The following ENPP2 variants were observed in gnomAD, a reference collection of about 807,000 sequenced individuals.
ENPP2 encodes the protein autotaxin.
In ENPP2, 51 loss-of-function variants were observed where a neutral mutation model predicts 120.2. The ratio of observed to expected loss-of-function variants is 0.42; its 90% CI spans 0.34 to 0.54. The LOEUF is 0.54. ENPP2 is among the 20% of genes least tolerant of loss of function. The probability of loss-of-function intolerance (pLI) is 0.04; values close to 1 mark genes in which losing one functional copy is unlikely to be tolerated. For missense variants in ENPP2, 920 were observed against 1,066.5 expected (o/e 0.86, Z 1.91); for synonymous variants, 365 against 366.4 (o/e 1.00, Z 0.04).
At chr8:119,559,976 C>G (rs939852474) in intron 24 of ENPP2, among the ~76,000 whole-genome samples, 6 of 152,138 alleles carry the variant, frequency 3.9e-5, no homozygotes, top group African/African-American at 1.4e-4. Context: ...AGTCAGGAAC[C>G]AGTAGGGAGA....
intron 12 of ENPP2, among the ~76,000 whole-genome samples, chr8:119,592,087 T>G (rs1264211433): frequency 6.6e-6 from 1 of 152,182 alleles, no homozygotes; most frequent in Non-Finnish European, 1.5e-5. Flanking sequence ...AAACTGAGAC[T>G]TGCCACAAAA....
intron 19 of ENPP2, chr8:119,571,871 G>A (rs909199255): frequency 2.2e-5 from 5 of 227,348 alleles, no homozygotes; most frequent in Admixed American, 5.2e-5. Context: ...GCAAGTAATG[G>A]AGAAAAGTCT....
intron 14 of ENPP2, among the ~76,000 whole-genome samples, chr8:119,586,574 C>T (rs1813126878): frequency 6.6e-6 from 1 of 152,006 alleles, no homozygotes; most frequent in African/African-American, 2.4e-5. Context: ...GAGACCATCG[C>T]TAAGAGCAAT....
chr8:119,652,993 T>C (rs1399459077), intron 1 of ENPP2, among the ~76,000 whole-genome samples: 1 of 152,206 alleles, frequency 6.6e-6, no homozygotes, highest in Non-Finnish European at 1.5e-5. Context: ...CTGCAAGCTC[T>C]ATAGAAGCCC....
Position 119,586,269 on chromosome 8 carries a change from G to A in ENPP2, c.1284C>T (p.His428=). The A allele has an allele frequency of 6.2e-7, 1 of 1,613,912 alleles. No homozygotes were observed. Among genetic ancestry groups the A allele is most frequent in the Non-Finnish European group, 8.5e-7 (1 of 1,179,816 alleles). Reference sequence around the variant, plus strand: ...TGGCATAGTGCAAACGTTTGGGAAGGTGCTGTTTCAAGTAAGGCTTAAAGT... The same window carrying A: ...TGGCATAGTGCAAACGTTTGGGAAGATGCTGTTTCAAGTAAGGCTTAAAGT... The part of the protein sequence containing the change: ...DQHFKPYLKQ[H]LPKRLHYANN... The change falls in exon 15 of 25, where the codon CAC becomes CAT. Residue 428 remains histidine, a synonymous_variant. Transcript: ENST00000075322.
chr8:119,576,794 T>C (rs1339554777), intron 19 of ENPP2, among the ~76,000 whole-genome samples: 2 of 152,322 alleles, frequency 1.3e-5, no homozygotes, highest in Non-Finnish European at 1.5e-5. Flanking sequence ...ATTAGGTATA[T>C]GAGATCCAGA....
At chr8:119,591,239 C>T (rs112190358) in intron 12 of ENPP2, among the ~76,000 whole-genome samples, 1,524 of 152,090 alleles carry the variant, frequency 0.01, 5 homozygotes, top group Non-Finnish European at 0.015. Context: ...CCAATGACCA[C>T]CCAAACTGAA....
Position 119,596,080 on chromosome 8 carries a change from A to T in ENPP2, c.973-2220T>A, listed in dbSNP as rs916537223. 2.2e-6 allele frequency: 3 copies of T among 1,370,452 alleles called. No individual in the cohort carries two copies. In the African/African-American group the frequency reaches 4.4e-5, roughly 20 times the overall value. 84.9% of individuals were successfully genotyped at this position (1,370,452 alleles called of 1,614,324 possible). A position where few individuals can be genotyped will look rare whatever the true frequency, so the allele number is the denominator to read the frequency against. ...TCAGATATAAAGCTTACACTTTCCC[A>T]TCTGGGATCAGCAGAGTCTCAGAAT... On this transcript the variant is annotated intron_variant, in intron 11 of 24. Coordinates refer to ENST00000075322, the MANE Select transcript of ENPP2 (RefSeq NM_001040092.3).
chr8:119,648,242 G>A (rs1785402674), intron 1 of ENPP2, among the ~76,000 whole-genome samples: 1 of 152,180 alleles, frequency 6.6e-6, no homozygotes, highest in African/African-American at 2.4e-5. Context: ...AAGAGAGCAA[G>A]GTCTGTGTCA....
intron 1 of ENPP2, 25 bp from the exon 2 acceptor site, chr8:119,638,552 G>T: frequency 7.4e-7 from 1 of 1,358,522 alleles, no homozygotes; most frequent in Non-Finnish European, 1.1e-6. Context: ...AGACCAAGTT[G>T]TCAAATACAG....
At position 119,600,687 on chromosome 8, in the gene ENPP2, G is replaced by A. The variant is rs145281531; in HGVS notation, c.963C>T (p.Phe321=). The A allele has an allele frequency of 6.2e-5, 99 of 1,608,890 alleles. No homozygotes were observed. The African/African-American group carries it at 7.2e-4, about 12-fold the overall frequency. ...PDFSGHKYGP[F]GPEMTNPLRE... is the part of the protein sequence containing the mutation. ...ATGCTAAACCACTAACCTCAGGGCC[G>A]AAAGGGCCATATTTGTGTCCAGAGA... Residue 321 remains phenylalanine (F), a synonymous_variant, in exon 11 of 25, where the codon TTC becomes TTT. Coordinates refer to ENST00000075322, the MANE Select transcript of ENPP2 (RefSeq NM_001040092.3).
chr8:119,575,799 T>A (rs1340279840), intron 19 of ENPP2, among the ~76,000 whole-genome samples: 1 of 152,222 alleles, frequency 6.6e-6, no homozygotes, highest in African/African-American at 2.4e-5. Context: ...AGGTATGGGC[T>A]CTACCTCAAT....
At chr8:119,637,868 T>C (rs1817098493) in intron 2 of ENPP2, among the ~76,000 whole-genome samples, 1 of 152,186 alleles carries the variant, frequency 6.6e-6, no homozygotes, top group African/African-American at 2.4e-5. Context: ...AACTTACCTT[T>C]CCTTTGCCAT....
At chr8:119,583,023 C>A (rs929998096) in intron 17 of ENPP2, among the ~76,000 whole-genome samples, 1 of 152,194 alleles carries the variant, frequency 6.6e-6, no homozygotes, top group South Asian at 2.1e-4. Context: ...TAGAAGTCTG[C>A]CCTCTAATGA....
At chr8:119,602,842 A>T (rs778950082) in intron 9 of ENPP2, among the ~76,000 whole-genome samples, 6 of 152,228 alleles carry the variant, frequency 3.9e-5, no homozygotes, top group Non-Finnish European at 5.9e-5. Flanking sequence ...AACATTGGTG[A>T]GCCATTTAAA....
In ENPP2 at chr8:119,600,620, AG is replaced by A; in HGVS notation, c.972+57del. ...TTTATACAATTCCTGAAATAAAGTC[AG>A]TAGATCAGGTAGCCCAGGGCCACAG... On this transcript the variant is annotated intron_variant, in intron 11 of 24. Transcript: ENST00000075322. 5 of 1,028,120 alleles carry A rather than the reference AG, an allele frequency of 4.9e-6. No homozygotes were observed. In the South Asian group the frequency reaches 6.6e-5, roughly 13 times the overall value. The allele number at this position is 1,028,120 out of a possible 1,614,324, so 63.7% of individuals were successfully genotyped here. A position where few individuals can be genotyped will look rare whatever the true frequency, so the allele number is the denominator to read the frequency against.
At chr8:119,577,773 C>T (rs1025363678) in intron 19 of ENPP2, among the ~76,000 whole-genome samples, 2 of 152,120 alleles carry the variant, frequency 1.3e-5, no homozygotes, top group Admixed American at 1.3e-4. Context: ...TCAGAGTAAC[C>T]AGTGCCAGCC....
At chr8:119,583,688 C>G (rs1812907677) in intron 17 of ENPP2, 29 bp downstream of exon 17, 1 of 1,205,288 alleles carries the variant, frequency 8.3e-7, no homozygotes, top group African/African-American at 1.5e-5. Flanking sequence ...AAGATTGTTT[C>G]AATGGTTCTG....
intron 19 of ENPP2, chr8:119,571,903 C>T (rs1563678849): frequency 6.7e-6 from 2 of 299,820 alleles, no homozygotes; most frequent in East Asian, 5.6e-5. Context: ...TTTGCAAGAC[C>T]CTCCCAGATA....
Sources: gnomAD v4.1 joint callset for allele counts (sites outside exome capture counted in the v4.1 genomes callset) on GRCh38, gnomAD v4.1.1 for gene constraint, MANE v1.5 for transcripts, NCBI Gene and HGNC (gene_info 2026-07-23, HGNC 2026-07-21) for gene names.